The following CNTN4 variants were observed in gnomAD, a reference collection of about 807,000 sequenced individuals.
The protein encoded by CNTN4 is contactin 4, also known as contactin-4.
CNTN4 carries 77 observed loss-of-function variants against 122.5 expected under a neutral mutation model. The observed-to-expected ratio is 0.63, with a 90% confidence interval of 0.52 to 0.76. CNTN4 has a LOEUF of 0.76. CNTN4 is among the 30% of genes least tolerant of loss of function. The pLI, the probability that CNTN4 is intolerant of heterozygous loss-of-function variation, is 0.00. For missense variants in CNTN4, 1,256 were observed against 1,259.1 expected (o/e 1.00, Z 0.04); for synonymous variants, 512 against 447.0 (o/e 1.15, Z -1.83).
chr3:2,482,010 A>G (rs1436038287), intron 3 of CNTN4, among the ~76,000 whole-genome samples: 2 of 152,206 alleles, frequency 1.3e-5, no homozygotes, highest in Admixed American at 6.5e-5. Context: ...TTGGTACTGC[A>G]GAGAGTGGGG....
At chr3:2,648,604 C>G (rs2083232055) in intron 4 of CNTN4, among the ~76,000 whole-genome samples, 1 of 152,140 alleles carries the variant, frequency 6.6e-6, no homozygotes, top group Non-Finnish European at 1.5e-5. Flanking sequence ...CTGGCCTCTC[C>G]CCCATCTCTC....
chr3:2,427,650 C>CT (rs201659677), intron 3 of CNTN4, among the ~76,000 whole-genome samples: 2 of 152,154 alleles, frequency 1.3e-5, no homozygotes, highest in African/African-American at 4.8e-5. Flanking sequence ...CCTCATGGAT[C>CT]TGTCTAATAT....
intron 4 of CNTN4, among the ~76,000 whole-genome samples, chr3:2,649,656 C>A (rs1194027611): frequency 3.9e-5 from 6 of 152,180 alleles, no homozygotes; most frequent in South Asian, 2.1e-4. Context: ...TGTTACCCTT[C>A]CAGCTAACAC....
At position 2,215,966 on chromosome 3, in the gene CNTN4, A is replaced by G. The variant is rs140791720; in HGVS notation, c.-145+115327A>G. The stretch of plus-strand genomic sequence containing the variant: ...GTGTAAATTAGTTCAACCATTGTGA[A>G]AAGCAGTATGGCAATTCCTCAAAGA... On this transcript the variant is annotated intron_variant, in intron 2 of 24. Transcript: ENST00000418658. Among the ~76,000 whole-genome samples the G allele has an allele frequency of 5.9e-3, 895 of 151,540 alleles. 4 individuals are homozygous for G. Among genetic ancestry groups the G allele is most frequent in the African/African-American group, 0.021 (871 of 41,364 alleles).
intron 4 of CNTN4, among the ~76,000 whole-genome samples, chr3:2,621,729 A>G (rs1018332402): frequency 2.0e-5 from 3 of 152,180 alleles, no homozygotes; most frequent in Non-Finnish European, 4.4e-5. Context: ...AATACAATGT[A>G]TATGCATTTA....
At chr3:2,113,673 CAG>C (rs60121853) in intron 2 of CNTN4, among the ~76,000 whole-genome samples, 25,951 of 152,046 alleles carry the variant, frequency 0.17, 2,681 homozygotes, top group East Asian at 0.45. Flanking sequence ...AAATGATGAT[CAG>C]AGTCTATATA....
At chr3:2,541,139 T>C (rs1182353095) in intron 3 of CNTN4, among the ~76,000 whole-genome samples, 1 of 152,132 alleles carries the variant, frequency 6.6e-6, no homozygotes, top group Non-Finnish European at 1.5e-5. Context: ...GAATTATTTG[T>C]TTGCACCCTT....
intron 4 of CNTN4, among the ~76,000 whole-genome samples, chr3:2,630,533 C>T (rs2728071): frequency 0.71 from 108,249 of 152,100 alleles, 39,408 homozygotes; most frequent in African/African-American, 0.86. Flanking sequence ...TATTGCTTTA[C>T]GTTACCTATT....
intron 3 of CNTN4, among the ~76,000 whole-genome samples, chr3:2,358,772 C>G (rs893291776): frequency 2.0e-5 from 3 of 152,068 alleles, no homozygotes; most frequent in African/African-American, 7.2e-5. Flanking sequence ...ATATAATGAA[C>G]TACTATGCTG....
intron 3 of CNTN4, among the ~76,000 whole-genome samples, chr3:2,557,744 C>G (rs1248826235): frequency 3.5e-5 from 5 of 144,024 alleles, no homozygotes; most frequent in East Asian, 2.0e-4. Flanking sequence ...GAGCAAGATT[C>G]TGTCTCAAAA....
Position 2,771,416 on chromosome 3 carries a change from G to T in CNTN4, c.358+25719G>T, listed in dbSNP as rs7641421. Among the ~76,000 whole-genome samples the T allele has an allele frequency of 7.3e-3, 1,105 of 152,248 alleles. 18 individuals are homozygous for T. The highest frequency in any genetic ancestry group is 0.025 in the African/African-American group (1,050 of 41,536). On this transcript the variant is annotated intron_variant, in intron 6 of 24. Transcript: ENST00000418658. ...TGGAAACTGATCAAGCAAGCCACAT[G>T]GTGGGCAGAATTACCCACACTATTT...
chr3:2,950,193 T>G (rs762461565), intron 13 of CNTN4, among the ~76,000 whole-genome samples: 3 of 152,250 alleles, frequency 2.0e-5, no homozygotes, highest in Non-Finnish European at 4.4e-5. Flanking sequence ...GAAGGGTAGC[T>G]AGCACTGGAG....
At chr3:2,594,416 CTTTTTT>C (rs36010353) in intron 4 of CNTN4, among the ~76,000 whole-genome samples, 2 of 103,576 alleles carry the variant, frequency 1.9e-5, no homozygotes. Context: ...TAAAATGGAT[CTTTTTT>C]TTTTTTTTTT....
At chr3:2,687,700 C>T (rs566338604) in intron 4 of CNTN4, among the ~76,000 whole-genome samples, 1 of 152,296 alleles carries the variant, frequency 6.6e-6, no homozygotes, top group South Asian at 2.1e-4. Flanking sequence ...ATTTCATTCT[C>T]TCCTGCTGAT....
intron 2 of CNTN4, among the ~76,000 whole-genome samples, chr3:2,141,863 CA>C (rs1410750556): frequency 1.3e-5 from 2 of 152,082 alleles, no homozygotes; most frequent in Non-Finnish European, 1.5e-5. Flanking sequence ...AACCTTTTGA[CA>C]GTTGCATCCA....
intron 3 of CNTN4, among the ~76,000 whole-genome samples, chr3:2,381,487 ATAACT>A (rs1175011813): frequency 2.0e-5 from 3 of 152,336 alleles, no homozygotes; most frequent in South Asian, 4.1e-4. Context: ...TGTTGGGAAC[ATAACT>A]TAAACTCTTT....
Position 2,648,679 on chromosome 3 carries a change from AC to A in CNTN4, c.55+77125del, listed in dbSNP as rs993468471. Among the ~76,000 whole-genome samples the A allele has an allele frequency of 4.6e-5, 7 of 152,048 alleles. No individual in the cohort carries two copies. In the East Asian group the frequency reaches 5.8e-4, roughly 13 times the overall value. On this transcript the variant is annotated intron_variant, in intron 4 of 24. Transcript: ENST00000418658. ...AATATTGAAATTAGGCCAATTACTA[AC>A]CCCACCGTGGCCCCTAAGTGTTCAA...
At chr3:2,233,235 T>G (rs1340040830) in intron 2 of CNTN4, among the ~76,000 whole-genome samples, 1 of 152,188 alleles carries the variant, frequency 6.6e-6, no homozygotes, top group Non-Finnish European at 1.5e-5. Flanking sequence ...GATTCTTCAC[T>G]GATCCCTGTC....
At chr3:2,500,999 T>C (rs571091216) in intron 3 of CNTN4, among the ~76,000 whole-genome samples, 2 of 152,330 alleles carry the variant, frequency 1.3e-5, no homozygotes, top group East Asian at 3.9e-4. Context: ...TTATAATGAA[T>C]TTAAATATGT....
Sources: allele counts gnomAD v4.1 joint callset (sites outside exome capture counted in the v4.1 genomes callset), GRCh38; gene constraint gnomAD v4.1.1; transcripts MANE v1.5; gene names NCBI Gene and HGNC (gene_info 2026-07-23, HGNC 2026-07-21).